NKD2: variants seen among roughly 807,000 people sequenced by gnomAD.
NKD2 encodes the protein protein naked cuticle homolog 2.
NKD2 carries 43 observed loss-of-function variants against 34.8 expected under a neutral mutation model. The observed-to-expected ratio is 1.24, with a 90% confidence interval of 0.97 to 1.60. The LOEUF is 1.60. NKD2 is among the 40% of genes most tolerant of loss of function. The pLI is 0.00. For synonymous variants in NKD2, 278 were observed against 265.1 expected, an observed-to-expected ratio of 1.05 and a Z score of -0.47; for missense variants, 675 against 627.1, an observed-to-expected ratio of 1.08 and a Z score of -0.82.
At position 1,034,272 on chromosome 5, in the gene NKD2, G is replaced by A. The variant is rs745548994; in HGVS notation, c.368G>A (p.Arg123His). 6.8e-6 allele frequency: 11 copies of A among 1,611,920 alleles called. No individual in the cohort carries two copies. The highest frequency in any genetic ancestry group is 4.5e-5 in the East Asian group (2 of 44,778). The change falls in exon 6 of 10, where the codon CGC becomes CAC. Residue 123 changes from arginine to histidine, a missense_variant. Transcript: ENST00000296849. Reference protein sequence around the residue: ...QCDVSVEEDDRQEWTFTLYDF... With the variant: ...QCDVSVEEDDHQEWTFTLYDF... ...GATGTCTCGGTGGAGGAGGACGACC[G>A]CCAGGAGTGGACGTTCACGCTCTAT...
chr5:1,024,591 T>C (rs1459415615), intron 3 of NKD2, among the ~76,000 whole-genome samples: 72 of 36,234 alleles, frequency 2.0e-3, no homozygotes, highest in African/African-American at 5.0e-3. Flanking sequence ...CTCTTCCCAC[T>C]CTCTGTGGGC....
intron 5 of NKD2, among the ~76,000 whole-genome samples, chr5:1,033,735 C>T (rs868557334): frequency 6.6e-6 from 1 of 152,354 alleles, no homozygotes; most frequent in East Asian, 1.9e-4. Flanking sequence ...ACTGGTCTGG[C>T]ATCAAATAAC....
At chr5:1,015,138 C>T (rs1465998185) in intron 3 of NKD2, among the ~76,000 whole-genome samples, 5 of 152,240 alleles carry the variant, frequency 3.3e-5, no homozygotes, top group Non-Finnish European at 5.9e-5. Flanking sequence ...GCCCCAAGTG[C>T]CGGGGTGCTG....
chr5:1,038,801 T>G lies in NKD2; in HGVS notation c.*428T>G. Reference sequence around the variant, plus strand: ...CGAGGCCGGGAGCGAATGGAAAAGCTGAGGCTTTGCCTGGCTTGTGCATCA... The same window carrying G: ...CGAGGCCGGGAGCGAATGGAAAAGCGGAGGCTTTGCCTGGCTTGTGCATCA... On this transcript the variant is annotated 3_prime_UTR_variant, in exon 10 of 10. Coordinates refer to ENST00000296849, the MANE Select transcript of NKD2 (RefSeq NM_033120.4). The surrounding 1 kb of genome is among the most constrained non-coding windows in gnomAD (Gnocchi z 4.5). 1 of 362,984 alleles carries G rather than the reference T, an allele frequency of 2.8e-6. No homozygotes were observed. The highest frequency in any genetic ancestry group is 2.1e-5 in the African/African-American group (1 of 47,984). The allele number at this position is 362,984 out of a possible 1,614,324, so 22.5% of individuals were successfully genotyped here. A position where few individuals can be genotyped will look rare whatever the true frequency, so the allele number is the denominator to read the frequency against.
At chr5:1,035,164 GTGAGTGTT>G (rs1326091999) in intron 7 of NKD2, among the ~76,000 whole-genome samples, 10 of 138,048 alleles carry the variant, frequency 7.2e-5, no homozygotes, top group African/African-American at 2.8e-4. Context: ...TAATGAATGA[GTGAGTGTT>G]AATGAATGAG....
At chr5:1,032,860 G>A (rs961026306) in intron 4 of NKD2, among the ~76,000 whole-genome samples, 3 of 152,224 alleles carry the variant, frequency 2.0e-5, no homozygotes, top group African/African-American at 7.2e-5. Context: ...GCTTGCAAGT[G>A]CTGGAGAATA....
chr5:1,027,689 G>T (rs1354929383), intron 3 of NKD2, among the ~76,000 whole-genome samples: 1 of 152,194 alleles, frequency 6.6e-6, no homozygotes, highest in Non-Finnish European at 1.5e-5. Flanking sequence ...ACTTCACTGT[G>T]GACACCCGTG....
rs750551384 is a variant in NKD2, at chr5:1,038,161, C to T, written c.1144C>T (p.His382Tyr). The stretch of plus-strand genomic sequence containing the variant: ...GCAGCCCCCACCGCCACCCTACGGC[C>T]ACAAGCGGTACCGCCAAAAGGGCAG... ...LPQPPPPPYG[H>Y]KRYRQKGREG... The change falls in exon 10 of 10, where the codon CAC becomes TAC. Residue 382 changes from histidine to tyrosine, a missense_variant. Coordinates refer to ENST00000296849, the MANE Select transcript of NKD2 (RefSeq NM_033120.4). The surrounding 1 kb of genome is among the most constrained non-coding windows in gnomAD (Gnocchi z 4.5). The T allele has an allele frequency of 6.3e-5, 100 of 1,586,280 alleles. No homozygotes were observed. The highest frequency in any genetic ancestry group is 8.2e-5 in the Non-Finnish European group (96 of 1,168,526).
chr5:1,029,623 A>C (rs1756560999), intron 3 of NKD2, among the ~76,000 whole-genome samples: 1 of 152,176 alleles, frequency 6.6e-6, no homozygotes, highest in South Asian at 2.1e-4. Flanking sequence ...TATTAGCTTT[A>C]TGCGTGGAGT....
Position 1,038,477 on chromosome 5 carries a change from C to G in NKD2, c.*104C>G, listed in dbSNP as rs1164576824. On this transcript the variant is annotated 3_prime_UTR_variant, in exon 10 of 10. Transcript: ENST00000296849. This position sits in a 1 kb window ranked among gnomAD's most constrained non-coding sequence, Gnocchi z 4.5. ...GTGTGCCCATGGGGAGCCCAGCCCC[C>G]ACCCCCCACCTCCGACAGCAAACAG... 1 of 1,533,340 alleles carries G rather than the reference C, an allele frequency of 6.5e-7. No homozygotes were observed. Among genetic ancestry groups the G allele is most frequent in the Non-Finnish European group, 8.7e-7 (1 of 1,144,978 alleles). The allele number at this position is 1,533,340 out of a possible 1,614,324, so 95.0% of individuals were successfully genotyped here.
intron 9 of NKD2, among the ~76,000 whole-genome samples, chr5:1,036,618 C>T (rs979135792): frequency 1.3e-5 from 2 of 151,982 alleles, no homozygotes; most frequent in Admixed American, 6.5e-5. Flanking sequence ...GCGGGCGTCC[C>T]GTCCAGGTGT....
At chr5:1,012,741 C>T (rs1479464689) in intron 3 of NKD2, among the ~76,000 whole-genome samples, 1 of 152,238 alleles carries the variant, frequency 6.6e-6, no homozygotes, top group Non-Finnish European at 1.5e-5. Context: ...CTGCAGCTGG[C>T]CTTCCCCCAG....
chr5:1,010,644 G>A (rs1038795591), intron 3 of NKD2, among the ~76,000 whole-genome samples: 8 of 152,160 alleles, frequency 5.3e-5, no homozygotes, highest in South Asian at 4.1e-4. Context: ...GCCTCTATCC[G>A]GGACAGGGAG....
chr5:1,034,164 C>T (rs1733680015), intron 5 of NKD2, 71 bp from the exon 6 acceptor site: 2 of 1,120,962 alleles, frequency 1.8e-6, no homozygotes, highest in Admixed American at 4.0e-5. Flanking sequence ...CCAGAAGATC[C>T]TTCCCCCTGT....
intron 3 of NKD2, 81 bp from the exon 4 acceptor site, chr5:1,032,071 C>A: frequency 1.7e-6 from 2 of 1,166,242 alleles, no homozygotes; most frequent in South Asian, 1.2e-5. Context: ...AGGCTCCAGT[C>A]CAGCCGCCCA....
chr5:1,012,882 T>C (rs1755807852), intron 3 of NKD2, among the ~76,000 whole-genome samples: 1 of 152,124 alleles, frequency 6.6e-6, no homozygotes, highest in African/African-American at 2.4e-5. Flanking sequence ...TCTTGGTCAG[T>C]GGGAGCAGTT....
At position 1,038,315 on chromosome 5, in the gene NKD2, A is replaced by T; in HGVS notation, c.1298A>T (p.His433Leu). The T allele has an allele frequency of 6.5e-7, 1 of 1,531,060 alleles. No homozygotes were observed. Among genetic ancestry groups the T allele is most frequent in the South Asian group, 1.2e-5 (1 of 83,230 alleles). The allele number at this position is 1,531,060 out of a possible 1,614,324, so 94.8% of individuals were successfully genotyped here. The part of the protein sequence containing the change: ...YAVPVIQRHE[H>L]HHHHEHHHHH... ...GTGCCAGTGATCCAGCGGCACGAGC[A>T]CCACCACCACCACGAGCACCACCAC... Residue 433 changes from histidine to leucine, a missense_variant, in exon 10 of 10, where the codon CAC (histidine) becomes CTC (leucine). By Grantham distance (99) the His-to-Leu change is moderately conservative. Coordinates refer to ENST00000296849, the MANE Select transcript of NKD2 (RefSeq NM_033120.4). The surrounding 1 kb of genome is among the most constrained non-coding windows in gnomAD (Gnocchi z 4.5).
At chr5:1,022,039 C>CA in intron 3 of NKD2, among the ~76,000 whole-genome samples, 1 of 151,418 alleles carries the variant, frequency 6.6e-6, no homozygotes, top group Non-Finnish European at 1.5e-5. Flanking sequence ...GGTGCCCTCC[C>CA]ACCCTCCCCC....
At chr5:1,012,304 C>T (rs547591705) in intron 3 of NKD2, among the ~76,000 whole-genome samples, 4 of 152,356 alleles carry the variant, frequency 2.6e-5, no homozygotes, top group South Asian at 4.1e-4. Context: ...AGCATTGTAG[C>T]GAACACTCGT....
Sources: gnomAD v4.1 joint callset for allele counts (sites outside exome capture counted in the v4.1 genomes callset) on GRCh38, gnomAD v4.1.1 for gene constraint, Gnocchi (gnomAD v3.1) non-coding constraint, MANE v1.5 for transcripts, NCBI Gene and HGNC (gene_info 2026-07-23, HGNC 2026-07-21) for gene names.